The following CEP170 variants were observed in gnomAD, a reference collection of about 807,000 sequenced individuals.
CEP170 encodes the protein centrosomal protein 170.
In CEP170, 21 loss-of-function variants were observed where a neutral mutation model predicts 151.9. That is an observed-to-expected ratio of 0.14 (90% CI 0.10 to 0.20). The LOEUF (loss-of-function observed/expected upper bound fraction) is 0.20. Among genes scored for constraint, CEP170 ranks in the 10% least tolerant of loss-of-function variants. CEP170 has a pLI of 1.00. For synonymous variants in CEP170, 356 were observed against 648.8 expected (o/e 0.55, Z 6.86); for missense variants, 964 against 1,892.9 (o/e 0.51, Z 9.11).
rs143680660 is a variant in CEP170 at position 243,212,688 on chromosome 1, TTC to T, written c.196-726_196-725del. 8.6e-4 allele frequency among the ~76,000 whole-genome samples: 129 copies of T among 149,902 alleles called. 1 individual carries two copies. The highest frequency in any genetic ancestry group is 1.5e-3 in the Non-Finnish European group (100 of 67,294). On this transcript the variant is annotated intron_variant, in intron 3 of 19. Coordinates refer to ENST00000366542, the MANE Select transcript of CEP170 (RefSeq NM_014812.3). ...CACATTTACTATTATATTTTCTTTC[TTC>T]TCTCTCTCTCTCTTTCTTTCAGGGT...
chr1:243,199,715 A>C (rs1022756551), intron 6 of CEP170, among the ~76,000 whole-genome samples: 3 of 151,196 alleles, frequency 2.0e-5, no homozygotes, highest in Admixed American at 6.6e-5. Flanking sequence ...TTCTTAACAG[A>C]ACTAACATTT....
intron 10 of CEP170, among the ~76,000 whole-genome samples, chr1:243,177,990 A>C (rs557256195): frequency 6.6e-6 from 1 of 152,288 alleles, no homozygotes; most frequent in African/African-American, 2.4e-5. Flanking sequence ...TGGATGGATG[A>C]ATAAAATGTG....
intron 1 of CEP170, among the ~76,000 whole-genome samples, chr1:243,229,046 T>A (rs1396128432): frequency 6.6e-6 from 1 of 152,222 alleles, no homozygotes; most frequent in Non-Finnish European, 1.5e-5. Context: ...ACTTTCTCCC[T>A]GTCAGACAGC....
At chr1:243,212,786 C>G (rs2061938959) in intron 3 of CEP170, among the ~76,000 whole-genome samples, 2 of 152,148 alleles carry the variant, frequency 1.3e-5, no homozygotes, top group Admixed American at 6.5e-5. Context: ...ACCTCAGCCT[C>G]CTGAGTAGCT....
chr1:243,208,939 T>C (rs1329214256), intron 4 of CEP170, among the ~76,000 whole-genome samples: 2 of 151,754 alleles, frequency 1.3e-5, no homozygotes, highest in Non-Finnish European at 2.9e-5. Context: ...AATAAACTTT[T>C]CCTTATCAGC....
intron 4 of CEP170, among the ~76,000 whole-genome samples, chr1:243,203,382 T>C (rs1349304644): frequency 6.6e-6 from 1 of 152,216 alleles, no homozygotes; most frequent in Non-Finnish European, 1.5e-5. Flanking sequence ...CCTAAGTCAA[T>C]TTATTCAAGA....
intron 11 of CEP170, among the ~76,000 whole-genome samples, chr1:243,170,427 C>A (rs1398919764): frequency 7.2e-5 from 11 of 151,902 alleles, no homozygotes; most frequent in Admixed American, 7.2e-4. Flanking sequence ...TTAATAATGA[C>A]AAGCTAAACA....
intron 10 of CEP170, among the ~76,000 whole-genome samples, chr1:243,179,420 C>A (rs1224838320): frequency 2.0e-5 from 3 of 152,196 alleles, no homozygotes; most frequent in Admixed American, 2.0e-4. Flanking sequence ...TTTATCACAG[C>A]ATCTCCCCAA....
intron 8 of CEP170, among the ~76,000 whole-genome samples, chr1:243,190,145 A>C (rs1425742133): frequency 6.6e-6 from 1 of 152,240 alleles, no homozygotes; most frequent in Non-Finnish European, 1.5e-5. Flanking sequence ...CACATGCTCA[A>C]GTACTAGATG....
intron 14 of CEP170, among the ~76,000 whole-genome samples, chr1:243,143,116 C>G (rs2056061558): frequency 6.6e-6 from 1 of 152,110 alleles, no homozygotes; most frequent in Admixed American, 6.5e-5. Flanking sequence ...AATTGGATTT[C>G]TTTGTAATTC....
At chr1:243,201,312 G>A (rs2148837965) in intron 4 of CEP170, among the ~76,000 whole-genome samples, 1 of 152,142 alleles carries the variant, frequency 6.6e-6, no homozygotes, top group South Asian at 2.1e-4. Flanking sequence ...CAAAAGAAAT[G>A]CTATAATTAG....
intron 13 of CEP170, among the ~76,000 whole-genome samples, chr1:243,158,298 A>C (rs2057745029): frequency 6.6e-6 from 1 of 152,210 alleles, no homozygotes; most frequent in South Asian, 2.1e-4. Context: ...AGTGTTCATA[A>C]ATAAGAAAAA....
At chr1:243,151,789 GGAA>G (rs764476605) in intron 14 of CEP170, among the ~76,000 whole-genome samples, 7 of 152,212 alleles carry the variant, frequency 4.6e-5, no homozygotes, top group African/African-American at 7.2e-5. Context: ...GCCTTCTATT[GGAA>G]GAAGATGCCA....
chr1:243,128,325 T>A, intron 18 of CEP170, 25 bp from the exon 19 acceptor site: 1 of 1,558,622 alleles, frequency 6.4e-7, no homozygotes, highest in Non-Finnish European at 8.6e-7. Context: ...ATAACAAAAA[T>A]TAGCCTACTT....
chr1:243,210,753 T>C (rs2061734800), intron 4 of CEP170, among the ~76,000 whole-genome samples: 1 of 151,572 alleles, frequency 6.6e-6, no homozygotes, highest in Non-Finnish European at 1.5e-5. Flanking sequence ...TAGCTGGGAT[T>C]ACAGATGCGT....
intron 1 of CEP170, among the ~76,000 whole-genome samples, chr1:243,246,922 T>C (rs1390031192): frequency 6.6e-6 from 1 of 152,208 alleles, no homozygotes; most frequent in African/African-American, 2.4e-5. Flanking sequence ...TGTGAAGTTA[T>C]AGTCCTATTG....
At chr1:243,190,527 T>A (rs753564385) in intron 8 of CEP170, among the ~76,000 whole-genome samples, 11 of 152,208 alleles carry the variant, frequency 7.2e-5, no homozygotes, top group Non-Finnish European at 1.5e-4. Flanking sequence ...AATCTTTGTT[T>A]TATGAGTAAC....
chr1:243,172,468 A>G (rs1195917823), intron 11 of CEP170, among the ~76,000 whole-genome samples: 1 of 152,140 alleles, frequency 6.6e-6, no homozygotes, highest in Middle Eastern at 3.2e-3. Flanking sequence ...AACCATCTCT[A>G]CTAAAAATAT....
At chr1:243,233,741 A>AAAAATAT (rs1367723157) in intron 1 of CEP170, among the ~76,000 whole-genome samples, 11 of 140,436 alleles carry the variant, frequency 7.8e-5, no homozygotes, top group African/African-American at 2.9e-4. Context: ...TCAAAAAAAA[A>AAAAATAT]ATATATATAT....
Sources: gnomAD v4.1 joint callset for allele counts (sites outside exome capture counted in the v4.1 genomes callset) on GRCh38, gnomAD v4.1.1 for gene constraint, MANE v1.5 for transcripts, NCBI Gene and HGNC (gene_info 2026-07-23, HGNC 2026-07-21) for gene names.